Variants in AGL observed in about 807,000 individuals in gnomAD.
The protein encoded by AGL is amylo-alpha-1,6-glucosidase and 4-alpha-glucanotransferase.
AGL carries 128 observed loss-of-function variants against 199.3 expected under a neutral mutation model. The ratio of observed to expected loss-of-function variants is 0.64; its 90% CI spans 0.56 to 0.74. The LOEUF is 0.74. Among genes scored for constraint, AGL ranks in the 30% least tolerant of loss-of-function variants. AGL has a pLI of 0.00. For missense variants in AGL, 1,809 were observed against 1,820.8 expected (o/e 0.99, Z 0.12); for synonymous variants, 584 against 594.7 (o/e 0.98, Z 0.26).
chr1:99,861,870 A>G (rs1437419652), intron 3 of AGL, among the ~76,000 whole-genome samples, 157 bp downstream of exon 3: 2 of 152,182 alleles, frequency 1.3e-5, no homozygotes, highest in East Asian at 3.8e-4. Context: ...CTAGGAGGTA[A>G]TTTTATGGTC....
Position 99,888,108 on chromosome 1 carries a change from G to T in AGL, c.2812G>T (p.Gly938Cys), listed in dbSNP as rs922506679. The stretch of plus-strand genomic sequence containing the variant: ...AGCCCTTAAATATGCAGGTCTTCAA[G>T]GTAAGCAAATGGAAGGATAGCTGAG... The part of the protein sequence containing the change: ...WSALKYAGLQ[G>C]LMSVLAEIRP... Residue 938 changes from glycine to cysteine, a missense_variant and splice_region_variant, in exon 21 of 34, where the codon GGT becomes TGT. By Grantham distance (159) the Gly-to-Cys change is radical. Transcript: ENST00000361915. The T allele has an allele frequency of 4.3e-6, 7 of 1,612,852 alleles. No individual in the cohort carries two copies.
At chr1:99,867,406 A>G (rs943610897) in intron 5 of AGL, among the ~76,000 whole-genome samples, 13 of 151,706 alleles carry the variant, frequency 8.6e-5, no homozygotes, top group African/African-American at 2.7e-4. Context: ...CAGGTGCTCC[A>G]CTCCTGGTAG....
intron 25 of AGL, among the ~76,000 whole-genome samples, chr1:99,897,921 T>G (rs1653462003): frequency 6.6e-6 from 1 of 152,244 alleles, no homozygotes; most frequent in South Asian, 2.1e-4. Flanking sequence ...AGGCTCCCAA[T>G]TATCACCTCT....
At chr1:99,856,524 G>A (rs1490186636) in intron 2 of AGL, among the ~76,000 whole-genome samples, 1 of 151,766 alleles carries the variant, frequency 6.6e-6, no homozygotes, top group South Asian at 2.1e-4. Flanking sequence ...AGACAATAGT[G>A]GAGGGAAGGT....
chr1:99,884,039 A>G (rs1652249490), intron 17 of AGL, 81 bp from the exon 18 acceptor site: 14 of 1,193,274 alleles, frequency 1.2e-5, no homozygotes, highest in Non-Finnish European at 1.6e-5. Flanking sequence ...TTTAAGTTAA[A>G]TGATTTGAAA....
intron 25 of AGL, among the ~76,000 whole-genome samples, chr1:99,899,867 G>A (rs934324442): frequency 9.2e-5 from 14 of 151,698 alleles, no homozygotes; most frequent in African/African-American, 2.7e-4. Context: ...TGATCTACCC[G>A]CCTCAGCCTC....
Position 99,891,222 on chromosome 1 carries a change from T to A in AGL, c.2815T>A (p.Leu939Ile). The change falls in exon 22 of 34, where the codon TTA (leucine) becomes ATA (isoleucine). Residue 939 changes from leucine (L) to isoleucine (I), a missense_variant and splice_region_variant. Coordinates refer to ENST00000361915, the MANE Select transcript of AGL (RefSeq NM_000642.3). ...SALKYAGLQGLMSVLAEIRPK... is the reference protein window; with the variant it reads ...SALKYAGLQGIMSVLAEIRPK... Reference sequence around the variant, plus strand: ...ATGACATGTCTCTGAATTTTCAGGTTTAATGTCTGTATTGGCAGAAATAAG... The same window carrying A: ...ATGACATGTCTCTGAATTTTCAGGTATAATGTCTGTATTGGCAGAAATAAG... 2 of 1,613,548 alleles carry A rather than the reference T, an allele frequency of 1.2e-6. No individual in the cohort carries two copies. The highest frequency in any genetic ancestry group is 8.5e-7 in the Non-Finnish European group (1 of 1,179,596).
intron 2 of AGL, among the ~76,000 whole-genome samples, chr1:99,856,829 A>G (rs1649511474): frequency 6.6e-6 from 1 of 152,190 alleles, no homozygotes; most frequent in Non-Finnish European, 1.5e-5. Flanking sequence ...AGAGTCTCCC[A>G]TGTCTACTTC....
chr1:99,919,749 C>T (rs1655386672), intron 33 of AGL, among the ~76,000 whole-genome samples: 2 of 152,152 alleles, frequency 1.3e-5, no homozygotes, highest in Admixed American at 1.3e-4. Context: ...ACCTACTTCC[C>T]ACATTGGGCC....
chr1:99,890,815 T>C (rs1300030469), intron 21 of AGL, among the ~76,000 whole-genome samples: 1 of 152,146 alleles, frequency 6.6e-6, no homozygotes, highest in African/African-American at 2.4e-5. Flanking sequence ...GCCTGAATAC[T>C]GATGAACCCA....
chr1:99,874,548 G>C, intron 7 of AGL, 139 bp from the exon 8 acceptor site: 1 of 799,452 alleles, frequency 1.3e-6, no homozygotes, highest in Non-Finnish European at 2.0e-6. Flanking sequence ...AGAAGGGGAG[G>C]AGGTAGGAGG....
chr1:99,921,338 A>T (rs1570526258), intron 33 of AGL, among the ~76,000 whole-genome samples, 196 bp from the exon 34 acceptor site: 1 of 152,184 alleles, frequency 6.6e-6, no homozygotes, highest in Non-Finnish European at 1.5e-5. Flanking sequence ...TAAAAGTCTC[A>T]AATTCCAAAG....
rs71075465 is a variant in AGL, at chr1:99,907,693, G to GTTTTTTTTTTTTT, written c.3701-3011_3701-3010insTTTTTTTTTTTTT. On this transcript the variant is annotated intron_variant, in intron 27 of 33. Coordinates refer to ENST00000361915, the MANE Select transcript of AGL (RefSeq NM_000642.3). ...TTTTGTTCGTTTGTTTTTGTTTTTT[G>GTTTTTTTTTTTTT]TTTTTTTTGCTAGTAGCCATCCTAA... Among the ~76,000 whole-genome samples, 507 of 118,874 alleles carry GTTTTTTTTTTTTT rather than the reference G, an allele frequency of 4.3e-3. 34 individuals are homozygous for GTTTTTTTTTTTTT. Among genetic ancestry groups the GTTTTTTTTTTTTT allele is most frequent in the African/African-American group, 0.013 (446 of 33,482 alleles). The allele number at this position is 118,874 out of a possible 152,430, so 78.0% of individuals were successfully genotyped here.
intron 7 of AGL, among the ~76,000 whole-genome samples, chr1:99,873,048 A>G (rs59054821): frequency 2.0e-5 from 3 of 152,050 alleles, no homozygotes; most frequent in East Asian, 1.9e-4. Context: ...TTTTTTTTCA[A>G]TGTAGTCAAA....
chr1:99,900,270 CTATT>C (rs1653721481), intron 25 of AGL, among the ~76,000 whole-genome samples: 1 of 152,200 alleles, frequency 6.6e-6, no homozygotes, highest in Non-Finnish European at 1.5e-5. Flanking sequence ...TTGGTTTCTG[CTATT>C]TAAAATAATT....
intron 5 of AGL, 56 bp downstream of exon 5, chr1:99,864,645 CAT>C (rs1650352203): frequency 2.1e-6 from 3 of 1,395,978 alleles, no homozygotes; most frequent in Middle Eastern, 1.9e-4. Context: ...TGCACACACA[CAT>C]ATACACACAA....
In AGL at chr1:99,864,376, T is replaced by C. The variant is rs1557749322; in HGVS notation, c.461-10T>C. Reference sequence around the variant, plus strand: ...TTTTTACAGTGGTCTTTCCTTTATTTGCTTTGCAGGCTACAACATGATTCA... The same window carrying C: ...TTTTTACAGTGGTCTTTCCTTTATTCGCTTTGCAGGCTACAACATGATTCA... On this transcript the variant is annotated splice_polypyrimidine_tract_variant and intron_variant, in intron 4 of 33. Transcript: ENST00000361915. 3 of 1,610,476 alleles carry C rather than the reference T, an allele frequency of 1.9e-6. No individual in the cohort carries two copies. The highest frequency in any genetic ancestry group is 2.5e-6 in the Non-Finnish European group (3 of 1,176,784).
At chr1:99,863,435 T>C (rs1650230805) in intron 4 of AGL, among the ~76,000 whole-genome samples, 2 of 152,116 alleles carry the variant, frequency 1.3e-5, no homozygotes, top group South Asian at 4.1e-4. Flanking sequence ...CAACAAACAT[T>C]GGTTAACCAT....
At position 99,884,608 on chromosome 1, in the gene AGL, T is replaced by G; in HGVS notation, c.2586T>G (p.Ile862Met). The change falls in exon 20 of 34, where the codon ATT becomes ATG. Residue 862 changes from isoleucine (I) to methionine (M), a missense_variant. Coordinates refer to ENST00000361915, the MANE Select transcript of AGL (RefSeq NM_000642.3). The part of the protein sequence containing the change: ...LDPHAQVAVG[I>M]LRNHLTQFSP... ...CACATGCACAAGTCGCTGTTGGAAT[T>G]CTTCGAAATCATCTGACACAATTCA... 6.2e-7 allele frequency: 1 copy of G among 1,614,036 alleles called. No homozygotes were observed. Among genetic ancestry groups the G allele is most frequent in the Non-Finnish European group, 8.5e-7 (1 of 1,179,942 alleles).
Sources: allele counts gnomAD v4.1 joint callset (sites outside exome capture counted in the v4.1 genomes callset), GRCh38; gene constraint gnomAD v4.1.1; transcripts MANE v1.5; gene names NCBI Gene and HGNC (gene_info 2026-07-23, HGNC 2026-07-21).